The following USP13 variants were observed in gnomAD, a reference collection of about 807,000 sequenced individuals.
The protein encoded by USP13 is ubiquitin carboxyl-terminal hydrolase 13.
USP13 carries 68 observed loss-of-function variants against 107.8 expected under a neutral mutation model. The observed-to-expected ratio is 0.63, with a 90% CI of 0.52 to 0.77. The LOEUF is 0.77. USP13 is among the 30% of genes least tolerant of loss of function. The probability of loss-of-function intolerance (pLI) is 0.00; values close to 1 mark genes in which losing one functional copy is unlikely to be tolerated. For synonymous variants in USP13, 377 were observed against 389.5 expected (o/e 0.97, Z 0.38); for missense variants, 945 against 1,093.3 (o/e 0.86, Z 1.91).
At chr3:179,666,154 G>T (rs1398859838) in intron 1 of USP13, among the ~76,000 whole-genome samples, 1 of 152,196 alleles carries the variant, frequency 6.6e-6, no homozygotes. Context: ...TGTGAAAGAG[G>T]TTGGTCTTGA....
intron 19 of USP13, among the ~76,000 whole-genome samples, chr3:179,781,256 TCTTC>T (rs1715737815): frequency 6.6e-6 from 1 of 152,234 alleles, no homozygotes; most frequent in Non-Finnish European, 1.5e-5. Context: ...TTATCTGCTC[TCTTC>T]CTTATAATTT....
intron 19 of USP13, among the ~76,000 whole-genome samples, chr3:179,774,773 C>A (rs112853753): frequency 0.045 from 6,921 of 152,290 alleles, 537 homozygotes; most frequent in African/African-American, 0.16. Context: ...TGACCCCACC[C>A]ACATCCTGCT....
chr3:179,680,668 G>A (rs1262442311), intron 1 of USP13, among the ~76,000 whole-genome samples: 1 of 151,850 alleles, frequency 6.6e-6, no homozygotes, highest in African/African-American at 2.4e-5. Flanking sequence ...TCAGCCTACC[G>A]AGTAGCTGGG....
intron 13 of USP13, among the ~76,000 whole-genome samples, chr3:179,751,818 G>A (rs1714622109): frequency 6.6e-6 from 1 of 152,068 alleles, no homozygotes; most frequent in Non-Finnish European, 1.5e-5. Flanking sequence ...TTGCCTCTGG[G>A]GTTCAAGTGA....
intron 5 of USP13, among the ~76,000 whole-genome samples, chr3:179,708,229 G>A (rs1712792322): frequency 6.6e-6 from 1 of 152,160 alleles, no homozygotes; most frequent in Admixed American, 6.5e-5. Flanking sequence ...GCCACTTGGA[G>A]ATGCTGGGAG....
chr3:179,671,111 G>C (rs945241314), intron 1 of USP13, among the ~76,000 whole-genome samples: 7 of 152,108 alleles, frequency 4.6e-5, no homozygotes, highest in African/African-American at 1.7e-4. Context: ...AAATTAACCA[G>C]GTGTGGTGGT....
intron 8 of USP13, among the ~76,000 whole-genome samples, chr3:179,722,233 T>G (rs1190734055): frequency 6.6e-6 from 1 of 152,130 alleles, no homozygotes; most frequent in Non-Finnish European, 1.5e-5. Flanking sequence ...CTAGGAGAGA[T>G]CCGGTGGTAG....
At chr3:179,775,908 C>T (rs1715517161) in intron 19 of USP13, among the ~76,000 whole-genome samples, 1 of 152,178 alleles carries the variant, frequency 6.6e-6, no homozygotes, top group African/African-American at 2.4e-5. Flanking sequence ...TGGCTCCACT[C>T]TCAGCCAGCC....
At chr3:179,752,002 C>T (rs1714628857) in intron 13 of USP13, among the ~76,000 whole-genome samples, 2 of 152,190 alleles carry the variant, frequency 1.3e-5, no homozygotes, top group Admixed American at 1.3e-4. Flanking sequence ...CTCGGCCTCC[C>T]AAAGTGCTGG....
At chr3:179,695,724 G>A (rs541889105) in intron 3 of USP13, among the ~76,000 whole-genome samples, 1 of 152,014 alleles carries the variant, frequency 6.6e-6, no homozygotes, top group East Asian at 1.9e-4. Flanking sequence ...CTGTATCCTA[G>A]CCACTTGGTT....
chr3:179,773,620 A>T (rs1335418733), intron 19 of USP13, among the ~76,000 whole-genome samples: 1 of 152,230 alleles, frequency 6.6e-6, no homozygotes, highest in Non-Finnish European at 1.5e-5. Context: ...CATATCACAG[A>T]TTTTAAAAAA....
In USP13 at chr3:179,750,326, G is replaced by GTATATATATATATA. The variant is rs569602060; in HGVS notation, c.1710-1953_1710-1940dup. On this transcript the variant is annotated intron_variant, in intron 13 of 20. Coordinates refer to ENST00000263966, the MANE Select transcript of USP13 (RefSeq NM_003940.3). ...TGTGTATATATATATATATATGTGTGTATATATATATATATATATGTATAT... is the reference window on the plus strand; with the variant it reads ...TGTGTATATATATATATATATGTGTGTATATATATATATATATATATATATATATATATGTATAT... 2.4e-3 allele frequency among the ~76,000 whole-genome samples: 179 copies of GTATATATATATATA among 75,834 alleles called. 3 individuals are homozygous for GTATATATATATATA. Among genetic ancestry groups the GTATATATATATATA allele is most frequent in the African/African-American group, 6.4e-3 (165 of 25,720 alleles). 49.8% of individuals were successfully genotyped at this position (75,834 alleles called of 152,430 possible).
At chr3:179,717,723 T>C (rs192999742) in intron 6 of USP13, among the ~76,000 whole-genome samples, 19 of 152,350 alleles carry the variant, frequency 1.2e-4, no homozygotes, top group Admixed American at 8.5e-4. Flanking sequence ...TTAAAAATAC[T>C]GTTGATGTAT....
At chr3:179,680,821 A>ACTTTCTTTCTTCTATCTTTCTC (rs1560046343) in intron 1 of USP13, among the ~76,000 whole-genome samples, 17 of 147,118 alleles carry the variant, frequency 1.2e-4, no homozygotes, top group South Asian at 4.4e-4. Flanking sequence ...GATTACAGGC[A>ACTTTCTTTCTTCTATCTTTCTC]TGAGTCACCG....
At chr3:179,778,129 A>T (rs1715611057) in intron 19 of USP13, among the ~76,000 whole-genome samples, 1 of 152,100 alleles carries the variant, frequency 6.6e-6, no homozygotes, top group Non-Finnish European at 1.5e-5. Context: ...AGCAACAGAA[A>T]TTTAGTTAAT....
chr3:179,702,777 T>A (rs1403620493), intron 4 of USP13, among the ~76,000 whole-genome samples: 1 of 152,186 alleles, frequency 6.6e-6, no homozygotes, highest in African/African-American at 2.4e-5. Context: ...TTACCAAGGA[T>A]AAAATATATT....
Position 179,697,167 on chromosome 3 carries a change from A to C in USP13, c.356-3841A>C, listed in dbSNP as rs557458076. Among the ~76,000 whole-genome samples, 378 of 152,320 alleles carry C rather than the reference A, an allele frequency of 2.5e-3. 2 individuals are homozygous for C. Among genetic ancestry groups the C allele is most frequent in the Middle Eastern group, 0.014 (4 of 294 alleles). On this transcript the variant is annotated intron_variant, in intron 3 of 20. Transcript: ENST00000263966. ...ACCAGGTGTTTAAACTTGTTAAGGAATAGATTGAAAACAGAAAATTTGTGC... is the reference window on the plus strand; with the variant it reads ...ACCAGGTGTTTAAACTTGTTAAGGACTAGATTGAAAACAGAAAATTTGTGC...
chr3:179,750,145 A>T (rs1240610486), intron 13 of USP13, among the ~76,000 whole-genome samples: 1 of 151,528 alleles, frequency 6.6e-6, no homozygotes, highest in East Asian at 1.9e-4. Flanking sequence ...GGCACCTGTA[A>T]TCCCAGCGAC....
At chr3:179,657,239 G>A (rs1185083564) in intron 1 of USP13, among the ~76,000 whole-genome samples, 2 of 152,002 alleles carry the variant, frequency 1.3e-5, no homozygotes, top group Non-Finnish European at 2.9e-5. Flanking sequence ...AGGAAAGGCC[G>A]GGGCGCGGTG....
Sources: gnomAD v4.1 joint callset for allele counts (sites outside exome capture counted in the v4.1 genomes callset) on GRCh38, gnomAD v4.1.1 for gene constraint, MANE v1.5 for transcripts, NCBI Gene and HGNC (gene_info 2026-07-23, HGNC 2026-07-21) for gene names.